Variants in TDRD3 observed in about 807,000 individuals in gnomAD.
The protein encoded by TDRD3 is tudor domain-containing protein 3.
A neutral mutation model predicts 86.7 loss-of-function variants in TDRD3; 45 were observed. The ratio of observed to expected loss-of-function variants is 0.52; its 90% CI spans 0.41 to 0.67. The LOEUF (loss-of-function observed/expected upper bound fraction) is 0.67. TDRD3 is among the 30% of genes least tolerant of loss of function. The pLI, the probability that TDRD3 is intolerant of heterozygous loss-of-function variation, is 0.00. For synonymous variants in TDRD3, 298 were observed against 301.7 expected (o/e 0.99, Z 0.13); for missense variants, 814 against 889.0 (o/e 0.92, Z 1.07).
rs112587324 is a variant in TDRD3 at position 60,533,340 on chromosome 13, C to T, written c.1993-1768C>T. On this transcript the variant is annotated intron_variant, in intron 11 of 13. Coordinates refer to ENST00000377881, the MANE Select transcript of TDRD3 (RefSeq NM_001146070.2). ...AGCATTTTCTAATTTTAGTGAACCT[C>T]TTAAGAGATACTATTATTGGCTGGG... Among the ~76,000 whole-genome samples the T allele has an allele frequency of 3.4e-3, 516 of 152,252 alleles. 4 individuals carry two copies. Among genetic ancestry groups the T allele is most frequent in the African/African-American group, 0.012 (492 of 41,546 alleles).
intron 1 of TDRD3, among the ~76,000 whole-genome samples, chr13:60,400,602 T>C (rs567001945): frequency 6.6e-6 from 1 of 152,194 alleles, no homozygotes; most frequent in African/African-American, 2.4e-5. Flanking sequence ...CCAGGCGTGG[T>C]GGCAGGCCCC....
intron 1 of TDRD3, among the ~76,000 whole-genome samples, chr13:60,407,504 AT>A (rs1240516787): frequency 6.6e-6 from 1 of 152,176 alleles, no homozygotes; most frequent in Non-Finnish European, 1.5e-5. Flanking sequence ...AGCTTTCTCT[AT>A]TTGTTGATAT....
intron 1 of TDRD3, among the ~76,000 whole-genome samples, chr13:60,402,792 G>C (rs185966266): frequency 6.7e-6 from 1 of 148,704 alleles, no homozygotes; most frequent in Admixed American, 6.9e-5. Flanking sequence ...CCACCTCCCA[G>C]GTTCTCCTGC....
chr13:60,541,785 T>C (rs576081873), intron 12 of TDRD3, among the ~76,000 whole-genome samples: 2 of 132,684 alleles, frequency 1.5e-5, no homozygotes, highest in East Asian at 2.5e-4. Flanking sequence ...GATGGTGCAA[T>C]GGCACAATCT....
chr13:60,553,130 A>G (rs2137910517), intron 12 of TDRD3, among the ~76,000 whole-genome samples: 1 of 152,312 alleles, frequency 6.6e-6, no homozygotes, highest in South Asian at 2.1e-4. Context: ...CCATGCTCAC[A>G]CTGCAAATTT....
At chr13:60,525,900 A>T (rs1957420205) in intron 10 of TDRD3, among the ~76,000 whole-genome samples, 1 of 152,246 alleles carries the variant, frequency 6.6e-6, no homozygotes, top group Admixed American at 6.5e-5. Flanking sequence ...TTTTCCTATT[A>T]ATATAGTTCT....
In TDRD3 at chr13:60,443,381, G is replaced by A. The variant is rs140514967; in HGVS notation, c.127-1302G>A. ...TGGATTGAGGTTGTAAAAAGCATAA[G>A]TCTAAAGCATTGTTACACATGAGTC... On this transcript the variant is annotated intron_variant, in intron 2 of 13. Transcript: ENST00000377881. Among the ~76,000 whole-genome samples the A allele has an allele frequency of 6.6e-3, 1,006 of 152,084 alleles. 14 individuals are homozygous for A. Among genetic ancestry groups the A allele is most frequent in the African/African-American group, 0.023 (954 of 41,548 alleles).
rs377484286 is a variant in TDRD3 at position 60,485,820 on chromosome 13, G to C, written c.589G>C (p.Val197Leu). The part of the protein sequence containing the change: ...FGQKCVSHVQ[V>L]DSRELDRRKT... The stretch of plus-strand genomic sequence containing the variant: ...CTAGAAGTGTGTATCTCATGTCCAA[G>C]TGGATAGCAGAGAACTTGATCGAAG... Residue 197 changes from valine to leucine, a missense_variant, in exon 7 of 14, where the codon GTG becomes CTG. By Grantham distance (32) the Val-to-Leu change is conservative (BLOSUM62 1). Transcript: ENST00000377881. 3.3e-5 allele frequency: 53 copies of C among 1,603,868 alleles called. No homozygotes were observed. The Middle Eastern group carries it at 2.2e-3, about 65-fold the overall frequency.
chr13:60,400,190 A>G (rs1954056422), intron 1 of TDRD3, among the ~76,000 whole-genome samples: 2 of 152,298 alleles, frequency 1.3e-5, no homozygotes, highest in East Asian at 1.9e-4. Context: ...GGGGAGAAGA[A>G]ATTTGACTCT....
At chr13:60,541,622 CT>C (rs1957810458) in intron 12 of TDRD3, among the ~76,000 whole-genome samples, 1 of 144,102 alleles carries the variant, frequency 6.9e-6, no homozygotes, top group African/African-American at 2.6e-5. Context: ...ATTTATGATA[CT>C]TTACTTGTAT....
intron 1 of TDRD3, among the ~76,000 whole-genome samples, chr13:60,430,958 A>G (rs2137915262): frequency 6.6e-6 from 1 of 152,250 alleles, no homozygotes; most frequent in African/African-American, 2.4e-5. Context: ...TTCTACAGCA[A>G]AAAAGCATTA....
At chr13:60,541,282 C>G (rs1181568397) in intron 12 of TDRD3, among the ~76,000 whole-genome samples, 1 of 151,754 alleles carries the variant, frequency 6.6e-6, no homozygotes. Flanking sequence ...ATTCTCCTGC[C>G]TCAGCCTCCC....
intron 13 of TDRD3, among the ~76,000 whole-genome samples, chr13:60,568,826 G>C (rs1221647998): frequency 6.6e-6 from 1 of 152,142 alleles, no homozygotes; most frequent in Non-Finnish European, 1.5e-5. Flanking sequence ...CAGAGGATAT[G>C]ATCTTATATT....
intron 12 of TDRD3, among the ~76,000 whole-genome samples, chr13:60,550,775 A>T (rs750582967): frequency 1.3e-5 from 2 of 152,162 alleles, no homozygotes; most frequent in Non-Finnish European, 2.9e-5. Context: ...AGTAAAAGAA[A>T]AACTGTTTAT....
At chr13:60,554,324 T>G (rs2137917091) in intron 12 of TDRD3, among the ~76,000 whole-genome samples, 1 of 152,386 alleles carries the variant, frequency 6.6e-6, no homozygotes, top group East Asian at 1.9e-4. Flanking sequence ...CATTTTGTAC[T>G]CTGAAGAATG....
At position 60,487,755 on chromosome 13, in the gene TDRD3, C is replaced by T. The variant is rs112552793; in HGVS notation, c.717+1807C>T. Among the ~76,000 whole-genome samples, 1,270 of 152,236 alleles carry T rather than the reference C, an allele frequency of 8.3e-3. 8 individuals carry two copies. Among genetic ancestry groups the T allele is most frequent in the Middle Eastern group, 0.024 (7 of 294 alleles). The stretch of plus-strand genomic sequence containing the variant: ...AAATATGGGAGATATCTCTTTGACC[C>T]ACTGCTTTCCTTTCCTTTGGATAAA... On this transcript the variant is annotated intron_variant, in intron 7 of 13. Transcript: ENST00000377881.
At chr13:60,469,849 G>A (rs1394250399) in intron 5 of TDRD3, among the ~76,000 whole-genome samples, 4 of 152,150 alleles carry the variant, frequency 2.6e-5, no homozygotes, top group African/African-American at 4.8e-5. Context: ...CCCCCAAACT[G>A]TAGATTAAAA....
chr13:60,539,965 C>T (rs1406799084), intron 12 of TDRD3, among the ~76,000 whole-genome samples: 2 of 152,014 alleles, frequency 1.3e-5, no homozygotes, highest in Non-Finnish European at 2.9e-5. Context: ...ATAATTCTTA[C>T]AAAAACCATT....
Position 60,444,709 on chromosome 13 carries a change from A to G in TDRD3, c.153A>G (p.Lys51=), listed in dbSNP as rs747518352. Reference sequence around the variant, plus strand: ...CAGATCTGAGAACAATTGGCAAGAAATTCCTCCCCAGTGACATCAATAGTG... The same window carrying G: ...CAGATCTGAGAACAATTGGCAAGAAGTTCCTCCCCAGTGACATCAATAGTG... ...LNTDLRTIGK[K]FLPSDINSGK... The change falls in exon 3 of 14, where the codon AAA becomes AAG. Residue 51 remains lysine, a synonymous_variant. Transcript: ENST00000377881. 1.6e-5 allele frequency: 24 copies of G among 1,483,048 alleles called. No homozygotes were observed. Among genetic ancestry groups the G allele is most frequent in the African/African-American group, 4.3e-5 (3 of 70,404 alleles). 91.9% of individuals were successfully genotyped at this position (1,483,048 alleles called of 1,614,324 possible). A position where few individuals can be genotyped will look rare whatever the true frequency, so the allele number is the denominator to read the frequency against.
Sources: gnomAD v4.1 joint callset for allele counts (sites outside exome capture counted in the v4.1 genomes callset) on GRCh38, gnomAD v4.1.1 for gene constraint, MANE v1.5 for transcripts, NCBI Gene and HGNC (gene_info 2026-07-23, HGNC 2026-07-21) for gene names.